Variants in RANBP17 observed in about 807,000 individuals in gnomAD.
The protein encoded by RANBP17 is ran-binding protein 17.
In RANBP17, 158 loss-of-function variants were observed where a neutral mutation model predicts 141.2. The observed-to-expected ratio is 1.12, with a 90% CI of 0.98 to 1.28. The LOEUF (loss-of-function observed/expected upper bound fraction) is 1.28, where lower values mean the gene tolerates loss of function less well. RANBP17 is among the 50% of genes most tolerant of loss of function. The pLI, the probability that RANBP17 is intolerant of heterozygous loss-of-function variation, is 0.00. For synonymous variants in RANBP17, 430 were observed against 450.0 expected (o/e 0.96, Z 0.56); for missense variants, 1,438 against 1,290.7 (o/e 1.11, Z -1.75).
chr5:171,064,069 C>G (rs1784122163), intron 14 of RANBP17, among the ~76,000 whole-genome samples: 1 of 152,240 alleles, frequency 6.6e-6, no homozygotes, highest in Non-Finnish European at 1.5e-5. Context: ...GTTTGTCACC[C>G]CTTTCTTTGA....
chr5:171,003,539 CGGAT>C (rs1452891766), intron 14 of RANBP17, among the ~76,000 whole-genome samples: 1 of 152,028 alleles, frequency 6.6e-6, no homozygotes, highest in Non-Finnish European at 1.5e-5. Flanking sequence ...AGGTAGGTAA[CGGAT>C]GGAGAAGAAA....
intron 25 of RANBP17, among the ~76,000 whole-genome samples, chr5:171,266,363 TCTAA>T (rs1766680025): frequency 2.0e-5 from 3 of 152,332 alleles, no homozygotes; most frequent in African/African-American, 7.2e-5. Flanking sequence ...TTCAATAACA[TCTAA>T]CTAATAAGTA....
intron 14 of RANBP17, among the ~76,000 whole-genome samples, chr5:170,988,392 C>G (rs1486470089): frequency 2.9e-5 from 4 of 140,268 alleles, no homozygotes. Context: ...TTTGGTGATT[C>G]TAGGAATAAG....
chr5:171,174,620 A>T (rs1008203938), intron 16 of RANBP17, among the ~76,000 whole-genome samples: 12 of 152,082 alleles, frequency 7.9e-5, no homozygotes, highest in African/African-American at 2.9e-4. Context: ...TTTATTCTTT[A>T]CTCAAATTTG....
chr5:170,957,176 G>A (rs1775789652), intron 13 of RANBP17, among the ~76,000 whole-genome samples: 1 of 152,128 alleles, frequency 6.6e-6, no homozygotes, highest in Non-Finnish European at 1.5e-5. Context: ...ATTTGCCAAT[G>A]AGAAACAAAT....
At chr5:171,211,481 C>CG (rs879653816) in intron 20 of RANBP17, among the ~76,000 whole-genome samples, 3 of 152,096 alleles carry the variant, frequency 2.0e-5, no homozygotes, top group African/African-American at 4.8e-5. Context: ...AGGCTGGTCT[C>CG]GAACCCTTGG....
intron 25 of RANBP17, among the ~76,000 whole-genome samples, chr5:171,291,011 G>A (rs529052520): frequency 3.9e-5 from 6 of 152,284 alleles, no homozygotes; most frequent in Admixed American, 6.5e-5. Context: ...GAAATGACTC[G>A]CCCAATGTCT....
intron 14 of RANBP17, among the ~76,000 whole-genome samples, chr5:171,035,731 T>G (rs1384304418): frequency 7.3e-6 from 1 of 137,556 alleles, no homozygotes; most frequent in Non-Finnish European, 1.5e-5. Context: ...GTTTGTTTCT[T>G]TTTTTGTTTT....
At position 171,269,993 on chromosome 5, in the gene RANBP17, C is replaced by T. The variant is rs370948676; in HGVS notation, c.2943+4146C>T. Among the ~76,000 whole-genome samples, 199 of 152,276 alleles carry T rather than the reference C, an allele frequency of 1.3e-3. 9 individuals are homozygous for T. The South Asian group carries it at 0.04, about 31-fold the overall frequency. ...GAACTGTTTTTCCCCCCAACCTGGT[C>T]CTATTTTGCTGGAAGCATAATTGCA... is the stretch of plus-strand genomic sequence containing the variant. On this transcript the variant is annotated intron_variant, in intron 25 of 27. Transcript: ENST00000523189.
intron 1 of RANBP17, among the ~76,000 whole-genome samples, chr5:170,865,815 T>A (rs766418578): frequency 9.8e-5 from 15 of 152,294 alleles, no homozygotes; most frequent in Admixed American, 3.9e-4. Context: ...AAAGTTGTCA[T>A]ACTCAGTTGC....
chr5:171,051,812 T>C (rs1188536566), intron 14 of RANBP17, among the ~76,000 whole-genome samples: 1 of 152,174 alleles, frequency 6.6e-6, no homozygotes, highest in African/African-American at 2.4e-5. Flanking sequence ...TGTCAAACTA[T>C]TTTCCATGAT....
intron 14 of RANBP17, among the ~76,000 whole-genome samples, chr5:171,015,549 C>A (rs1375612995): frequency 6.6e-6 from 1 of 152,026 alleles, no homozygotes; most frequent in East Asian, 1.9e-4. Context: ...ATATGAAATA[C>A]ATATTATATT....
chr5:171,052,564 T>C (rs566443348), intron 14 of RANBP17, among the ~76,000 whole-genome samples: 6 of 152,192 alleles, frequency 3.9e-5, no homozygotes, highest in Non-Finnish European at 7.4e-5. Flanking sequence ...GATTCTCAAT[T>C]TTGTTCCTTT....
At chr5:170,862,311 G>A (rs1766859218) in intron 1 of RANBP17, among the ~76,000 whole-genome samples, 2 of 152,288 alleles carry the variant, frequency 1.3e-5, no homozygotes, top group South Asian at 4.1e-4. Flanking sequence ...GCGGGGGACA[G>A]GCCCAGGGCT....
At chr5:171,163,414 T>A (rs923249383) in intron 14 of RANBP17, among the ~76,000 whole-genome samples, 6 of 152,188 alleles carry the variant, frequency 3.9e-5, no homozygotes, top group South Asian at 2.1e-4. Context: ...ATGGTTTAGA[T>A]CCAAGTCATT....
chr5:170,930,078 A>G (rs977144825), intron 12 of RANBP17, among the ~76,000 whole-genome samples: 2 of 152,014 alleles, frequency 1.3e-5, no homozygotes, highest in African/African-American at 2.4e-5. Flanking sequence ...CTAGATTTTC[A>G]TCACTTTTGT....
At chr5:170,909,997 GGTA>G in intron 6 of RANBP17, 1 of 318,068 alleles carries the variant, frequency 3.1e-6, no homozygotes, top group Non-Finnish European at 5.7e-6. Flanking sequence ...CTTATCTTCA[GGTA>G]GTAGTTTCAT....
At chr5:171,028,430 T>G (rs1462178776) in intron 14 of RANBP17, among the ~76,000 whole-genome samples, 1 of 152,138 alleles carries the variant, frequency 6.6e-6, no homozygotes, top group Non-Finnish European at 1.5e-5. Context: ...TAAGTTAACC[T>G]CTGTAAGATA....
chr5:171,111,044 A>G (rs1755191075), intron 14 of RANBP17, among the ~76,000 whole-genome samples: 1 of 144,250 alleles, frequency 6.9e-6, no homozygotes, highest in Non-Finnish European at 1.5e-5. Context: ...CCAGAGTGTG[A>G]TATTCCCCTT....
Sources: allele counts gnomAD v4.1 joint callset (sites outside exome capture counted in the v4.1 genomes callset), GRCh38; gene constraint gnomAD v4.1.1; transcripts MANE v1.5; gene names NCBI Gene and HGNC (gene_info 2026-07-23, HGNC 2026-07-21).